SLX4IP: variants seen among roughly 807,000 people sequenced by gnomAD.
SLX4IP encodes the protein SLX4 interacting protein, also known as protein SLX4IP.
SLX4IP carries 34 observed loss-of-function variants against 32.9 expected under a neutral mutation model. That is an observed-to-expected ratio of 1.03 (90% CI 0.79 to 1.38). The LOEUF (loss-of-function observed/expected upper bound fraction) is 1.38, where lower values mean the gene tolerates loss of function less well. SLX4IP is among the 40% of genes most tolerant of loss of function. SLX4IP has a pLI of 0.00. For synonymous variants in SLX4IP, 172 were observed against 171.7 expected, an observed-to-expected ratio of 1.00 and a Z score of -0.01; for missense variants, 444 against 479.0, an observed-to-expected ratio of 0.93 and a Z score of 0.68.
chr20:10,552,901 T>C (rs375425698), intron 2 of SLX4IP, among the ~76,000 whole-genome samples: 5 of 150,770 alleles, frequency 3.3e-5, no homozygotes, highest in African/African-American at 1.2e-4. Context: ...TTAGTTTTGC[T>C]AATGAAAAGG....
At chr20:10,621,270 A>G in intron 6 of SLX4IP, 44 bp from the exon 7 acceptor site, 2 of 1,544,838 alleles carry the variant, frequency 1.3e-6, no homozygotes, top group Admixed American at 1.7e-5. Context: ...TCTCATGTTC[A>G]GCTAATAGAT....
At chr20:10,570,729 A>G (rs943544231) in intron 4 of SLX4IP, among the ~76,000 whole-genome samples, 1 of 151,962 alleles carries the variant, frequency 6.6e-6, no homozygotes, top group Non-Finnish European at 1.5e-5. Flanking sequence ...GGTTTTCGCC[A>G]TGTTGGTCAG....
intron 2 of SLX4IP, among the ~76,000 whole-genome samples, chr20:10,550,568 C>T (rs949843908): frequency 1.3e-5 from 2 of 152,104 alleles, no homozygotes; most frequent in African/African-American, 4.8e-5. Flanking sequence ...CTGCCTGGCT[C>T]CAGTGATTTC....
intron 2 of SLX4IP, among the ~76,000 whole-genome samples, chr20:10,546,355 G>A (rs908582758): frequency 1.3e-5 from 2 of 152,156 alleles, no homozygotes; most frequent in African/African-American, 4.8e-5. Flanking sequence ...CAAGCCATCT[G>A]CTCTTTTTCG....
rs116273263 is a variant in SLX4IP at position 10,613,106 on chromosome 20, G to A, written c.406-8208G>A. 2,825 of 344,700 alleles carry A rather than the reference G, an allele frequency of 8.2e-3. 81 individuals are homozygous for A. Among genetic ancestry groups the A allele is most frequent in the African/African-American group, 0.055 (2,586 of 46,992 alleles). 21.4% of individuals were successfully genotyped at this position (344,700 alleles called of 1,614,324 possible). ...ACAGACACGCACATCGCAGAAAGCG[G>A]CATGAACAGAACCACATCCTAGATA... On this transcript the variant is annotated intron_variant, in intron 6 of 7. Coordinates refer to ENST00000334534, the MANE Select transcript of SLX4IP (RefSeq NM_001009608.3).
chr20:10,456,161 G>T (rs1412168028), intron 1 of SLX4IP, among the ~76,000 whole-genome samples: 1 of 152,050 alleles, frequency 6.6e-6, no homozygotes, highest in Admixed American at 6.6e-5. Flanking sequence ...TGAATTTTGT[G>T]TTTAGATTTG....
intron 4 of SLX4IP, among the ~76,000 whole-genome samples, chr20:10,584,336 A>G (rs1309677104): frequency 6.6e-6 from 1 of 152,152 alleles, no homozygotes; most frequent in African/African-American, 2.4e-5. Flanking sequence ...TTGCCTCTTC[A>G]CTGTTGCTAT....
intron 6 of SLX4IP, among the ~76,000 whole-genome samples, chr20:10,603,317 A>T (rs564893787): frequency 6.6e-6 from 1 of 152,362 alleles, no homozygotes; most frequent in South Asian, 2.1e-4. Flanking sequence ...ATGAAATATT[A>T]TCCCCCTTAG....
rs1284456190 is a variant in SLX4IP, at chr20:10,624,980, CCTT to C, written c.*1603_*1605del. 1 of 152,476 alleles carries C rather than the reference CCTT, an allele frequency of 6.6e-6. No homozygotes were observed. The highest frequency in any genetic ancestry group is 2.4e-5 in the African/African-American group (1 of 41,454). 9.4% of individuals were successfully genotyped at this position (152,476 alleles called of 1,614,324 possible). On this transcript the variant is annotated 3_prime_UTR_variant, in exon 8 of 8. Transcript: ENST00000334534. The stretch of plus-strand genomic sequence containing the variant: ...CCTCACCACCCCCACTTGAAACAGC[CCTT>C]CCTACTGGTATCCTGTCCTCTTCCC...
At chr20:10,506,624 G>A (rs554241682) in intron 2 of SLX4IP, among the ~76,000 whole-genome samples, 3 of 152,326 alleles carry the variant, frequency 2.0e-5, no homozygotes, top group African/African-American at 7.2e-5. Context: ...CAAGGGCACT[G>A]TTGAGACCCT....
At chr20:10,563,492 T>G (rs942815166) in intron 4 of SLX4IP, among the ~76,000 whole-genome samples, 2 of 152,224 alleles carry the variant, frequency 1.3e-5, no homozygotes, top group African/African-American at 4.8e-5. Flanking sequence ...ACCAATGTCT[T>G]GAAGAGTTTC....
intron 2 of SLX4IP, among the ~76,000 whole-genome samples, chr20:10,482,728 T>C (rs1385797417): frequency 1.3e-5 from 2 of 152,190 alleles, no homozygotes; most frequent in Non-Finnish European, 2.9e-5. Context: ...GAAAGCGTAT[T>C]TGCAGAAGTG....
intron 2 of SLX4IP, among the ~76,000 whole-genome samples, chr20:10,493,677 C>T (rs1249361230): frequency 6.6e-6 from 1 of 151,986 alleles, no homozygotes; most frequent in African/African-American, 2.4e-5. Context: ...GTGGTTATTC[C>T]TGTCTTGTGC....
At chr20:10,580,225 A>G (rs2066568604) in intron 4 of SLX4IP, among the ~76,000 whole-genome samples, 2 of 151,912 alleles carry the variant, frequency 1.3e-5, no homozygotes, top group Non-Finnish European at 2.9e-5. Flanking sequence ...TTAAAATCTA[A>G]CCTCCTTTGT....
chr20:10,464,250 G>A (rs1483559523), intron 2 of SLX4IP, among the ~76,000 whole-genome samples: 1 of 152,032 alleles, frequency 6.6e-6, no homozygotes, highest in African/African-American at 2.4e-5. Context: ...TTGAACTACT[G>A]GGCTCAAACA....
intron 2 of SLX4IP, among the ~76,000 whole-genome samples, chr20:10,502,759 C>T (rs2065729971): frequency 6.6e-6 from 1 of 151,614 alleles, no homozygotes; most frequent in Non-Finnish European, 1.5e-5. Context: ...ATCTAATGGG[C>T]TAAATAGTTT....
chr20:10,490,137 C>A (rs1356887681), intron 2 of SLX4IP, among the ~76,000 whole-genome samples: 1 of 151,600 alleles, frequency 6.6e-6, no homozygotes, highest in Non-Finnish European at 1.5e-5. Flanking sequence ...ATCATGCAAA[C>A]CTAAAGAACA....
chr20:10,534,586 G>A (rs1735298676), intron 2 of SLX4IP, among the ~76,000 whole-genome samples: 1 of 152,200 alleles, frequency 6.6e-6, no homozygotes. Flanking sequence ...GGAATGGGGA[G>A]CTCCTTCCAG....
At chr20:10,541,901 C>T (rs2066111508) in intron 2 of SLX4IP, among the ~76,000 whole-genome samples, 2 of 152,296 alleles carry the variant, frequency 1.3e-5, no homozygotes, top group South Asian at 4.1e-4. Context: ...AAGGGGGCAG[C>T]CAGTGTTTGC....
Sources: gnomAD v4.1 joint callset for allele counts (sites outside exome capture counted in the v4.1 genomes callset) on GRCh38, gnomAD v4.1.1 for gene constraint, MANE v1.5 for transcripts, NCBI Gene and HGNC (gene_info 2026-07-23, HGNC 2026-07-21) for gene names.